Variants in ZNF516 observed in about 807,000 individuals in gnomAD.
ZNF516 encodes zinc finger protein 516.
A neutral mutation model predicts 79.7 loss-of-function variants in ZNF516; 19 were observed. That is an observed-to-expected ratio of 0.24 (90% CI 0.17 to 0.35). The LOEUF is 0.35. Ranked by LOEUF, ZNF516 falls within the 10% of genes least tolerant of loss-of-function variation. The probability of loss-of-function intolerance (pLI) is 1.00; values close to 1 mark genes in which losing one functional copy is unlikely to be tolerated. For synonymous variants in ZNF516, 877 were observed against 739.5 expected (o/e 1.19, Z -3.02); for missense variants, 1,678 against 1,679.5 (o/e 1.00, Z 0.02).
At chr18:76,487,848 T>G (rs1914917759) in intron 1 of ZNF516, 2 of 800,964 alleles carry the variant, frequency 2.5e-6, no homozygotes, top group Non-Finnish European at 3.0e-6. Flanking sequence ...CCTAGATACA[T>G]TCCCGTAATA....
intron 1 of ZNF516, among the ~76,000 whole-genome samples, chr18:76,475,058 A>AT (rs1299014445): frequency 6.6e-6 from 1 of 152,236 alleles, no homozygotes; most frequent in Non-Finnish European, 1.5e-5. Context: ...AACAACTCAT[A>AT]TATAGGCTAC....
chr18:76,478,475 T>G (rs1312341395), intron 1 of ZNF516, among the ~76,000 whole-genome samples: 1 of 152,156 alleles, frequency 6.6e-6, no homozygotes, highest in African/African-American at 2.4e-5. Context: ...ACAAATAACA[T>G]CTACCTAAAT....
chr18:76,440,540 T>C (rs1476980207), intron 3 of ZNF516, among the ~76,000 whole-genome samples: 3 of 152,246 alleles, frequency 2.0e-5, no homozygotes, highest in Non-Finnish European at 2.9e-5. Flanking sequence ...TTAAAATTTA[T>C]AGAAAGTAGG....
At chr18:76,473,629 G>A (rs1020251054) in intron 1 of ZNF516, among the ~76,000 whole-genome samples, 17 of 152,006 alleles carry the variant, frequency 1.1e-4, no homozygotes, top group South Asian at 8.3e-4. Context: ...GTGAAACCCT[G>A]TCTCTACTAA....
chr18:76,389,616 C>A (rs1232951654), intron 3 of ZNF516, among the ~76,000 whole-genome samples: 8 of 152,184 alleles, frequency 5.3e-5, no homozygotes, highest in African/African-American at 9.7e-5. Flanking sequence ...AGGAGTAATT[C>A]ATTTCTTATG....
intron 1 of ZNF516, chr18:76,490,123 A>T (rs572905517): frequency 1.0e-6 from 1 of 982,354 alleles, no homozygotes; most frequent in South Asian, 4.7e-5. Context: ...AATTACCAAA[A>T]TATTTGTGAG....
At chr18:76,401,999 G>A (rs1156876791) in intron 3 of ZNF516, among the ~76,000 whole-genome samples, 4 of 143,516 alleles carry the variant, frequency 2.8e-5, no homozygotes, top group Non-Finnish European at 1.6e-5. Flanking sequence ...GTGTACGCGC[G>A]TGTGTACACG....
chr18:76,359,551 A>G lies in ZNF516; in HGVS notation c.*2947T>C, dbSNP rs2074500722. ...ATTTGAACGCAAAAATGAGGAAGAG[A>G]TATGAGCAGGAAACAGGAGAGTATA... On this transcript the variant is annotated 3_prime_UTR_variant, in exon 7 of 7. Coordinates refer to ENST00000443185, the MANE Select transcript of ZNF516 (RefSeq NM_014643.4). 6.6e-6 allele frequency: 1 copy of G among 152,234 alleles called. No individual in the cohort carries two copies. The highest frequency in any genetic ancestry group is 2.4e-5 in the African/African-American group (1 of 41,450). The allele number at this position is 152,234 out of a possible 1,614,324, so 9.4% of individuals were successfully genotyped here. A position where few individuals can be genotyped will look rare whatever the true frequency, so the allele number is the denominator to read the frequency against.
chr18:76,422,155 A>G (rs998130836), intron 3 of ZNF516, among the ~76,000 whole-genome samples: 8 of 152,224 alleles, frequency 5.3e-5, no homozygotes, highest in Non-Finnish European at 7.3e-5. Context: ...TCAGGAAGAC[A>G]CTACCATCAG....
chr18:76,458,542 C>A (rs559970648), intron 2 of ZNF516, among the ~76,000 whole-genome samples: 1 of 152,366 alleles, frequency 6.6e-6, no homozygotes, highest in South Asian at 2.1e-4. Flanking sequence ...GGAATCCCGT[C>A]CCTGAGAGGA....
At chr18:76,483,552 T>A (rs1390354678) in intron 1 of ZNF516, among the ~76,000 whole-genome samples, 5 of 152,082 alleles carry the variant, frequency 3.3e-5, no homozygotes, top group African/African-American at 1.2e-4. Context: ...GAGTGCCAAA[T>A]GTCCCCCGTC....
At chr18:76,420,820 A>T (rs1424716371) in intron 3 of ZNF516, among the ~76,000 whole-genome samples, 1 of 152,238 alleles carries the variant, frequency 6.6e-6, no homozygotes, top group African/African-American at 2.4e-5. Flanking sequence ...GTTTATGCTT[A>T]GTAGTGAAAT....
intron 1 of ZNF516, chr18:76,490,758 A>C: frequency 2.0e-6 from 2 of 985,422 alleles, no homozygotes; most frequent in South Asian, 9.4e-5. Context: ...TAGGATCCCC[A>C]CTAAAGTTCC....
Position 76,451,319 on chromosome 18 carries a change from G to GCA in ZNF516, c.-157-8110_-157-8109dup. ...TGACCACCTTCCGGGGGCGGGGGGGGCACCGATGTCAGCCCGGGATGGATG... is the reference window on the plus strand; with the variant it reads ...TGACCACCTTCCGGGGGCGGGGGGGGCACACCGATGTCAGCCCGGGATGGATG... On this transcript the variant is annotated intron_variant, in intron 2 of 6. Transcript: ENST00000443185. This position sits in a 1 kb window ranked among gnomAD's most constrained non-coding sequence, Gnocchi z 6.0. 6.6e-6 allele frequency among the ~76,000 whole-genome samples: 1 copy of GCA among 152,312 alleles called. No individual in the cohort carries two copies. Among genetic ancestry groups the GCA allele is most frequent in the Non-Finnish European group, 1.5e-5 (1 of 68,022 alleles).
chr18:76,358,063 C>G lies in ZNF516; in HGVS notation c.*4435G>C, dbSNP rs1313995499. ...TCTTGTGAATTACCCTAAAACTCTT[C>G]CATAAATAAAGAGCATTAACACTTT... On this transcript the variant is annotated 3_prime_UTR_variant, in exon 7 of 7. Transcript: ENST00000443185. The G allele has an allele frequency of 6.6e-6, 1 of 152,214 alleles. No individual in the cohort carries two copies. Among genetic ancestry groups the G allele is most frequent in the Non-Finnish European group, 1.5e-5 (1 of 68,042 alleles). 9.4% of individuals were successfully genotyped at this position (152,214 alleles called of 1,614,324 possible). A position where few individuals can be genotyped will look rare whatever the true frequency, so the allele number is the denominator to read the frequency against.
chr18:76,461,693 A>G (rs1307346649), intron 2 of ZNF516, among the ~76,000 whole-genome samples: 1 of 152,252 alleles, frequency 6.6e-6, no homozygotes, highest in African/African-American at 2.4e-5. Context: ...CGCTTGACAA[A>G]TTCAAGATCC....
intron 1 of ZNF516, among the ~76,000 whole-genome samples, chr18:76,483,824 T>C (rs1914671627): frequency 6.6e-6 from 1 of 152,254 alleles, no homozygotes. Context: ...GCTGGGAATC[T>C]GCGCAGATAG....
chr18:76,477,427 C>T (rs899701460), intron 1 of ZNF516, among the ~76,000 whole-genome samples: 2 of 152,064 alleles, frequency 1.3e-5, no homozygotes, highest in African/African-American at 4.8e-5. Flanking sequence ...GGGACCCAGC[C>T]CCACAATGAG....
intron 1 of ZNF516, among the ~76,000 whole-genome samples, chr18:76,489,173 A>ATT (rs1470709885): frequency 5.3e-5 from 8 of 152,258 alleles, no homozygotes; most frequent in African/African-American, 1.9e-4. Flanking sequence ...TTAAATTATA[A>ATT]ATAAGACCAA....
Sources: gnomAD v4.1 joint callset for allele counts (sites outside exome capture counted in the v4.1 genomes callset) on GRCh38, gnomAD v4.1.1 for gene constraint, Gnocchi (gnomAD v3.1) non-coding constraint, MANE v1.5 for transcripts, NCBI Gene and HGNC (gene_info 2026-07-23, HGNC 2026-07-21) for gene names.